MAN1A2: variants seen among roughly 807,000 people sequenced by gnomAD.
MAN1A2 encodes mannosidase alpha class 1A member 2, also known as mannosyl-oligosaccharide 1,2-alpha-mannosidase IB.
In MAN1A2, 26 loss-of-function variants were observed where a neutral mutation model predicts 75.7. That is an observed-to-expected ratio of 0.34 (90% CI 0.25 to 0.48). The LOEUF (loss-of-function observed/expected upper bound fraction) is 0.48, where lower values mean the gene tolerates loss of function less well. Ranked by LOEUF, MAN1A2 falls within the 20% of genes least tolerant of loss-of-function variation. The pLI is 0.99. For missense variants in MAN1A2, 562 were observed against 775.5 expected (o/e 0.72, Z 3.27); for synonymous variants, 247 against 264.6 (o/e 0.93, Z 0.65).
intron 12 of MAN1A2, among the ~76,000 whole-genome samples, chr1:117,519,677 A>C (rs183717946): frequency 2.9e-3 from 435 of 152,064 alleles, no homozygotes; most frequent in African/African-American, 9.3e-3. Context: ...CGAAATTGAA[A>C]TGGTAATTTA....
At chr1:117,510,428 A>G (rs1245930016) in intron 12 of MAN1A2, among the ~76,000 whole-genome samples, 1 of 152,042 alleles carries the variant, frequency 6.6e-6, no homozygotes, top group Admixed American at 6.6e-5. Flanking sequence ...GAATGAACAA[A>G]CCTTTTGTTT....
intron 8 of MAN1A2, among the ~76,000 whole-genome samples, chr1:117,469,323 ACT>A (rs1292337664): frequency 6.6e-6 from 1 of 152,102 alleles, no homozygotes; most frequent in African/African-American, 2.4e-5. Context: ...CAGATCAAAG[ACT>A]CTAAATTTGA....
intron 6 of MAN1A2, among the ~76,000 whole-genome samples, chr1:117,453,571 C>G (rs1421169283): frequency 2.0e-5 from 3 of 152,124 alleles, no homozygotes; most frequent in African/African-American, 7.2e-5. Context: ...TTACTGCAGT[C>G]TTATGATAAG....
chr1:117,386,908 C>A (rs1459675468), intron 1 of MAN1A2, among the ~76,000 whole-genome samples: 1 of 152,006 alleles, frequency 6.6e-6, no homozygotes, highest in Non-Finnish European at 1.5e-5. Flanking sequence ...GAGACCCTAT[C>A]TCTAAAAAGA....
At chr1:117,447,243 A>C (rs1649265307) in intron 6 of MAN1A2, among the ~76,000 whole-genome samples, 1 of 152,162 alleles carries the variant, frequency 6.6e-6, no homozygotes, top group Non-Finnish European at 1.5e-5. Context: ...ATCATTTAGC[A>C]ATAGATCTAA....
chr1:117,525,244 C>G lies in MAN1A2; in HGVS notation c.*2287C>G, dbSNP rs1014589074. ...TTGACAGGGACAATGGAAGGGTCTT[C>G]TTCACCACTCCTTACCTTCTATGTG... On this transcript the variant is annotated 3_prime_UTR_variant, in exon 13 of 13. Transcript: ENST00000356554. 12 of 444,600 alleles carry G rather than the reference C, an allele frequency of 2.7e-5. No homozygotes were observed. The highest frequency in any genetic ancestry group is 1.4e-4 in the East Asian group (2 of 14,738). 27.5% of individuals were successfully genotyped at this position (444,600 alleles called of 1,614,324 possible). A position where few individuals can be genotyped will look rare whatever the true frequency, so the allele number is the denominator to read the frequency against.
intron 5 of MAN1A2, among the ~76,000 whole-genome samples, chr1:117,441,053 G>A (rs757582818): frequency 6.6e-6 from 1 of 152,132 alleles, no homozygotes; most frequent in Non-Finnish European, 1.5e-5. Flanking sequence ...TGAAGGAAAT[G>A]GTAAATTGTA....
At chr1:117,443,961 T>C (rs1055629862) in intron 6 of MAN1A2, among the ~76,000 whole-genome samples, 2 of 151,918 alleles carry the variant, frequency 1.3e-5, no homozygotes, top group African/African-American at 4.8e-5. Context: ...TTCCCACACA[T>C]AGGCCTTCCC....
At chr1:117,451,229 C>A (rs1649406503) in intron 6 of MAN1A2, among the ~76,000 whole-genome samples, 1 of 152,216 alleles carries the variant, frequency 6.6e-6, no homozygotes, top group Non-Finnish European at 1.5e-5. Flanking sequence ...ACTTGACTGA[C>A]CCAATGGATT....
chr1:117,464,973 C>A (rs1241592457), intron 7 of MAN1A2, among the ~76,000 whole-genome samples: 2 of 151,970 alleles, frequency 1.3e-5, no homozygotes, highest in Non-Finnish European at 2.9e-5. Context: ...GCACAAAATA[C>A]GTAAAAGAGC....
chr1:117,411,449 A>G (rs190327622), intron 3 of MAN1A2, among the ~76,000 whole-genome samples: 2,090 of 151,960 alleles, frequency 0.014, 27 homozygotes, highest in Non-Finnish European at 0.022. Flanking sequence ...AGCTAAATAT[A>G]AAAGCTAAAA....
intron 3 of MAN1A2, among the ~76,000 whole-genome samples, chr1:117,413,267 G>C (rs1647881706): frequency 6.6e-6 from 1 of 151,874 alleles, no homozygotes; most frequent in African/African-American, 2.4e-5. Context: ...GAAGATAGAT[G>C]TATTGATAAG....
At chr1:117,418,466 T>C (rs1486466616) in intron 4 of MAN1A2, among the ~76,000 whole-genome samples, 1 of 152,172 alleles carries the variant, frequency 6.6e-6, no homozygotes, top group Non-Finnish European at 1.5e-5. Flanking sequence ...TTAATAGATA[T>C]TAAAACTGAG....
rs964846174 is a variant in MAN1A2 at position 117,524,136 on chromosome 1, A to G, written c.*1179A>G. The G allele has an allele frequency of 2.0e-5, 3 of 152,170 alleles. No individual in the cohort carries two copies. The highest frequency in any genetic ancestry group is 1.3e-4 in the Admixed American group (2 of 15,172). 9.4% of individuals were successfully genotyped at this position (152,170 alleles called of 1,614,324 possible). A position where few individuals can be genotyped will look rare whatever the true frequency, so the allele number is the denominator to read the frequency against. On this transcript the variant is annotated 3_prime_UTR_variant, in exon 13 of 13. Transcript: ENST00000356554. ...TAATTTTCTCCAAGAATATTTATAGAATTCCAAAGAATCAGAATAGTTTCA... is the reference window on the plus strand; with the variant it reads ...TAATTTTCTCCAAGAATATTTATAGGATTCCAAAGAATCAGAATAGTTTCA...
chr1:117,458,230 T>G (rs992525587), intron 6 of MAN1A2, among the ~76,000 whole-genome samples: 7 of 151,936 alleles, frequency 4.6e-5, no homozygotes, highest in Non-Finnish European at 1.0e-4. Context: ...TAGTAAACAC[T>G]TACATTTGTG....
intron 12 of MAN1A2, among the ~76,000 whole-genome samples, chr1:117,511,557 G>C (rs1651535381): frequency 6.6e-6 from 1 of 151,674 alleles, no homozygotes; most frequent in South Asian, 2.1e-4. Context: ...TAACTACTAT[G>C]ATCTCCCCAG....
intron 8 of MAN1A2, among the ~76,000 whole-genome samples, chr1:117,473,832 G>C (rs1650234431): frequency 6.6e-6 from 1 of 152,010 alleles, no homozygotes; most frequent in African/African-American, 2.4e-5. Flanking sequence ...CTTCCACCGA[G>C]TGGTCCATAT....
chr1:117,427,819 T>G (rs2101789933), intron 5 of MAN1A2, among the ~76,000 whole-genome samples: 1 of 152,334 alleles, frequency 6.6e-6, no homozygotes, highest in South Asian at 2.1e-4. Flanking sequence ...TTTTCAAAAT[T>G]TCTTTAAAAT....
chr1:117,498,948 C>T (rs1290546), intron 10 of MAN1A2, among the ~76,000 whole-genome samples: 130,580 of 151,730 alleles, frequency 0.86, 56,380 homozygotes, highest in East Asian at 0.94. Flanking sequence ...TAAAATGTTT[C>T]CTTATATGTG....
Sources: gnomAD v4.1 joint callset for allele counts (sites outside exome capture counted in the v4.1 genomes callset) on GRCh38, gnomAD v4.1.1 for gene constraint, MANE v1.5 for transcripts, NCBI Gene and HGNC (gene_info 2026-07-23, HGNC 2026-07-21) for gene names.